ATG13: variants seen among roughly 807,000 people sequenced by gnomAD.
ATG13 encodes autophagy-related protein 13.
In ATG13, 23 loss-of-function variants were observed where a neutral mutation model predicts 65.5. The observed-to-expected ratio is 0.35, with a 90% CI of 0.25 to 0.50. ATG13 has a LOEUF of 0.50. ATG13 is among the 20% of genes least tolerant of loss of function. ATG13 has a pLI of 0.98. For missense variants in ATG13, 566 were observed against 677.0 expected, an observed-to-expected ratio of 0.84 and a Z score of 1.82; for synonymous variants, 252 against 245.2, an observed-to-expected ratio of 1.03 and a Z score of -0.26.
At chr11:46,635,805 C>T (rs1220053263) in intron 2 of ATG13, among the ~76,000 whole-genome samples, 1 of 152,142 alleles carries the variant, frequency 6.6e-6, no homozygotes. Flanking sequence ...CCTTTCAATG[C>T]TACCAGTTGT....
intron 7 of ATG13, among the ~76,000 whole-genome samples, chr11:46,653,120 C>T (rs185757702): frequency 3.3e-5 from 5 of 151,220 alleles, no homozygotes; most frequent in African/African-American, 1.2e-4. Flanking sequence ...TTTTGTCTGT[C>T]GTATCTGTAG....
chr11:46,639,760 CTA>C (rs1172040562), intron 2 of ATG13, among the ~76,000 whole-genome samples: 1 of 150,894 alleles, frequency 6.6e-6, no homozygotes, highest in Non-Finnish European at 1.5e-5. Flanking sequence ...GATGAAGAAG[CTA>C]TATTCTTACA....
intron 11 of ATG13, among the ~76,000 whole-genome samples, chr11:46,663,482 TG>T (rs1280148512): frequency 5.3e-5 from 8 of 152,120 alleles, no homozygotes; most frequent in Non-Finnish European, 1.0e-4. Flanking sequence ...GTAGGAAGCA[TG>T]CATCTGAGCT....
chr11:46,635,459 T>G (rs1047849183), intron 2 of ATG13, among the ~76,000 whole-genome samples: 17 of 152,280 alleles, frequency 1.1e-4, no homozygotes, highest in African/African-American at 4.1e-4. Flanking sequence ...CTGGCCAACA[T>G]AGAGAGACCC....
At chr11:46,622,840 C>T (rs763905537) in intron 1 of ATG13, among the ~76,000 whole-genome samples, 7 of 152,106 alleles carry the variant, frequency 4.6e-5, no homozygotes, top group Non-Finnish European at 8.8e-5. Context: ...CTGTCATCTT[C>T]GGGGTGCAAT....
intron 2 of ATG13, among the ~76,000 whole-genome samples, chr11:46,633,024 A>AT (rs1459397049): frequency 5.8e-4 from 58 of 99,854 alleles, no homozygotes; most frequent in African/African-American, 2.2e-3. Flanking sequence ...ATATATATAT[A>AT]TATTTTTTTT....
At position 46,668,786 on chromosome 11, in the gene ATG13, T is replaced by C. The variant is rs1262317514; in HGVS notation, c.1330-8T>C. 1 of 1,606,794 alleles carries C rather than the reference T, an allele frequency of 6.2e-7. No homozygotes were observed. Among genetic ancestry groups the C allele is most frequent in the Non-Finnish European group, 8.5e-7 (1 of 1,174,360 alleles). ...CATCAGCCCTAATCCTGCCTTGCTA[T>C]GAAACAGGTGAATCCTCCAGATTCC... On this transcript the variant is annotated splice_polypyrimidine_tract_variant and splice_region_variant and intron_variant, in intron 16 of 18. Transcript: ENST00000683050.
chr11:46,658,625 T>A (rs2060509294), intron 10 of ATG13, among the ~76,000 whole-genome samples: 1 of 151,264 alleles, frequency 6.6e-6, no homozygotes, highest in African/African-American at 2.4e-5. Flanking sequence ...AGCCTTCACC[T>A]CTTGGGTTCA....
rs201229909 is a variant in ATG13, at chr11:46,659,442, A to C, written c.746A>C (p.Gln249Pro). The change falls in exon 11 of 19, where the codon CAA (glutamine) becomes CCA (proline). Residue 249 changes from glutamine (Q) to proline (P), a missense_variant. Transcript: ENST00000683050. The stretch of plus-strand genomic sequence containing the variant: ...ATATACCCGTCTGTAGAAGACTCTC[A>C]AGAAGTGTGTACCACCTCTTTTTCC... ...GVIYPSVEDS[Q>P]EVCTTSFSTS... The C allele has an allele frequency of 7.1e-5, 115 of 1,613,972 alleles. No homozygotes were observed. The highest frequency in any genetic ancestry group is 8.7e-5 in the Non-Finnish European group (103 of 1,179,954).
At chr11:46,647,089 C>CTA (rs1565513383) in intron 5 of ATG13, among the ~76,000 whole-genome samples, 2 of 152,208 alleles carry the variant, frequency 1.3e-5, no homozygotes, top group East Asian at 3.9e-4. Flanking sequence ...AGGGTCTTTA[C>CTA]CCTCTTGTTC....
chr11:46,659,452 TACC>T lies in ATG13; in HGVS notation c.760_762del (p.Thr254del), dbSNP rs2060699628. 1 of 1,614,016 alleles carries T rather than the reference TACC, an allele frequency of 6.2e-7. No homozygotes were observed. Among genetic ancestry groups the T allele is most frequent in the Admixed American group, 1.7e-5 (1 of 60,008 alleles). On this transcript the variant is annotated inframe_deletion, in exon 11 of 19. Transcript: ENST00000683050. ...CTGTAGAAGACTCTCAAGAAGTGTG[TACC>T]ACCTCTTTTTCCACCTCCCCACCAT... is the stretch of plus-strand genomic sequence containing the variant.
chr11:46,659,985 T>G (rs2060807691), intron 11 of ATG13: 1 of 153,404 alleles, frequency 6.5e-6, no homozygotes, highest in African/African-American at 2.4e-5. Context: ...ACTTTTCCAC[T>G]TCAGTCTTCA....
chr11:46,664,800 A>G (rs201754873), intron 12 of ATG13, 49 bp from the exon 13 acceptor site: 12 of 1,548,538 alleles, frequency 7.7e-6, no homozygotes, highest in East Asian at 2.2e-5. Context: ...GGGATTGCCT[A>G]TTTTTTCCTT....
chr11:46,620,511 C>T (rs2047139246), intron 1 of ATG13, among the ~76,000 whole-genome samples: 2 of 151,874 alleles, frequency 1.3e-5, no homozygotes, highest in South Asian at 4.2e-4. Context: ...CGCGGTTGCT[C>T]ACACCTGAAA....
intron 1 of ATG13, chr11:46,618,483 G>C (rs1262260143): frequency 6.6e-6 from 1 of 151,932 alleles, no homozygotes; most frequent in African/African-American, 2.4e-5. Flanking sequence ...TTTCACTTTT[G>C]GTATTTCTTC....
intron 12 of ATG13, among the ~76,000 whole-genome samples, 168 bp from the exon 13 acceptor site, chr11:46,664,681 C>T (rs898977358): frequency 6.6e-6 from 1 of 152,240 alleles, no homozygotes; most frequent in Non-Finnish European, 1.5e-5. Flanking sequence ...TCTCTAATAA[C>T]GGCCTCATCT....
At chr11:46,650,135 C>T (rs200781784) in intron 6 of ATG13, 42 bp from the exon 7 acceptor site, 7 of 1,602,882 alleles carry the variant, frequency 4.4e-6, no homozygotes, top group African/African-American at 1.3e-5. Context: ...GTAGCTCCAG[C>T]GCTAAATAGA....
In ATG13 at chr11:46,667,778, A is replaced by T; in HGVS notation, c.1142A>T (p.Asp381Val). The T allele has an allele frequency of 1.9e-6, 3 of 1,601,238 alleles. No individual in the cohort carries two copies. The highest frequency in any genetic ancestry group is 2.6e-6 in the Non-Finnish European group (3 of 1,169,282). ...HCAATPSSSE[D>V]TETVSNSSEG... ...ACTTCACCTTTCTCCTCCAGTGAGGATACTGAAACCGTATCAAACAGCAGT... is the reference window on the plus strand; with the variant it reads ...ACTTCACCTTTCTCCTCCAGTGAGGTTACTGAAACCGTATCAAACAGCAGT... Residue 381 changes from aspartate (D) to valine (V), a missense_variant, in exon 15 of 19, where the codon GAT (aspartate) becomes GTT (valine). Asp to Val is a radical substitution (Grantham distance 152). Coordinates refer to ENST00000683050, the MANE Select transcript of ATG13 (RefSeq NM_001346311.2).
chr11:46,671,838 TC>T (rs937385408), intron 18 of ATG13, among the ~76,000 whole-genome samples: 4 of 152,108 alleles, frequency 2.6e-5, no homozygotes, highest in African/African-American at 9.7e-5. Flanking sequence ...TGGTTCACAT[TC>T]CCCCCAGGGG....
Sources: allele counts gnomAD v4.1 joint callset (sites outside exome capture counted in the v4.1 genomes callset), GRCh38; gene constraint gnomAD v4.1.1; transcripts MANE v1.5; gene names NCBI Gene and HGNC (gene_info 2026-07-23, HGNC 2026-07-21).